The following KRT81 variants were observed in gnomAD, a reference collection of about 807,000 sequenced individuals.
KRT81 encodes keratin, type II cuticular Hb1.
A neutral mutation model predicts 35.8 loss-of-function variants in KRT81; 35 were observed. That is an observed-to-expected ratio of 0.98 (90% CI 0.75 to 1.30). The LOEUF (loss-of-function observed/expected upper bound fraction) is 1.30. Ranked by LOEUF, KRT81 falls within the 50% of genes most tolerant of loss-of-function variation. The pLI, the probability that KRT81 is intolerant of heterozygous loss-of-function variation, is 0.00. For missense variants in KRT81, 531 were observed against 577.4 expected (o/e 0.92, Z 0.82); for synonymous variants, 249 against 251.2 (o/e 0.99, Z 0.08).
At position 52,286,805 on chromosome 12, in the gene KRT81, C is replaced by T. The variant is rs1247091114; in HGVS notation, c.1265G>A (p.Gly422Glu). 1 of 1,613,938 alleles carries T rather than the reference C, an allele frequency of 6.2e-7. No homozygotes were observed. Reference sequence around the variant, plus strand: ...CAAATACTCACAGACATTCACAGCCCCAATGCCTTCACATAGCCTGAGGGC... The same window carrying T: ...CAAATACTCACAGACATTCACAGCCTCAATGCCTTCACATAGCCTGAGGGC... ...GEEQRLCEGI[G>E]AVNVCVSSSR... The change falls in exon 8 of 9, where the codon GGG becomes GAG. Residue 422 changes from glycine to glutamate, a missense_variant. This residue lies in a region of KRT81 where 150 missense variants were observed against 145.4 expected (regional missense o/e 1.03). Coordinates refer to ENST00000327741, the MANE Select transcript of KRT81 (RefSeq NM_002281.4).
chr12:52,286,509 G>T lies in KRT81; in HGVS notation c.1280-16C>A, dbSNP rs368288509. ...CTGCTGACACCTGTGAACCCCGAAG[G>T]CTGAGTCAAAATTCTGAAGGGCAAG... On this transcript the variant is annotated splice_polypyrimidine_tract_variant and intron_variant, in intron 8 of 8. Transcript: ENST00000327741. The T allele has an allele frequency of 7.1e-6, 11 of 1,551,034 alleles. No homozygotes were observed. The East Asian group carries it at 1.2e-4, about 17-fold the overall frequency.
Position 52,291,220 on chromosome 12 carries a change from C to T in KRT81, c.246G>A (p.Ser82=), listed in dbSNP as rs1405675721. The T allele has an allele frequency of 2.7e-6, 4 of 1,466,114 alleles. No homozygotes were observed. The Admixed American group carries it at 6.6e-5, about 24-fold the overall frequency. 90.8% of individuals were successfully genotyped at this position (1,466,114 alleles called of 1,614,324 possible). ...GGGGCGTGAGGAGGCTCTCGTTGACCGACACGGTGGTGATGCATGGGGGAC... is the reference window on the plus strand; with the variant it reads ...GGGGCGTGAGGAGGCTCTCGTTGACTGACACGGTGGTGATGCATGGGGGAC... ...GPSPPCITTV[S]VNESLLTPLN... is the part of the protein sequence containing the mutation. The change falls in exon 1 of 9, where the codon TCG becomes TCA. Residue 82 remains serine (S), a synonymous_variant. Transcript: ENST00000327741.
At chr12:52,286,973 C>T (rs961632486) in intron 7 of KRT81, 129 bp downstream of exon 7, 89 of 1,562,398 alleles carry the variant, frequency 5.7e-5, no homozygotes, top group Non-Finnish European at 7.5e-5. Flanking sequence ...CACCAGCCCT[C>T]CCCACACCGG....
Position 52,288,375 on chromosome 12 carries a change from G to C in KRT81, c.721C>G (p.Arg241Gly), listed in dbSNP as rs145562431. The change falls in exon 4 of 9, where the codon CGG becomes GGG. Residue 241 changes from arginine (R) to glycine (G), a missense_variant. Physicochemically the swap from Arg to Gly is moderately radical, Grantham distance 125. This residue lies in a region of KRT81 where 194 missense variants were observed against 198.2 expected (regional missense o/e 0.98). Transcript: ENST00000327741. ...TGAGCCCGCACCTCCTCATACAGCCGCCTCAGGAAGTCGATCTCCTGGATC... is the reference window on the plus strand; with the variant it reads ...TGAGCCCGCACCTCCTCATACAGCCCCCTCAGGAAGTCGATCTCCTGGATC... ...ALIQEIDFLR[R>G]LYEEEILILQ... is the part of the protein sequence containing the mutation. 8.7e-6 allele frequency: 14 copies of C among 1,613,982 alleles called. No homozygotes were observed. In the Admixed American group the frequency reaches 1.2e-4, roughly 13 times the overall value.
In KRT81 at chr12:52,291,447, A is replaced by G; in HGVS notation, c.19T>C (p.Phe7Leu). 1 of 1,612,888 alleles carries G rather than the reference A, an allele frequency of 6.2e-7. No individual in the cohort carries two copies. The highest frequency in any genetic ancestry group is 1.7e-5 in the Admixed American group (1 of 59,938). ...ATGCAGCTGAAGGCGCGCCCACCAAATCCTGATCCGCAGGTCATGATCCTC... is the reference window on the plus strand; with the variant it reads ...ATGCAGCTGAAGGCGCGCCCACCAAGTCCTGATCCGCAGGTCATGATCCTC... MTCGSG[F>L]GGRAFSCISA... Residue 7 changes from phenylalanine to leucine, a missense_variant, in exon 1 of 9, where the codon TTT becomes CTT. Coordinates refer to ENST00000327741, the MANE Select transcript of KRT81 (RefSeq NM_002281.4).
At position 52,286,321 on chromosome 12, in the gene KRT81, G is replaced by GCCGCAGGAACCCCCT; in HGVS notation, c.1437_1451dup (p.Gly480_Gly484dup). ...GGGAGCTGATACCACAGGAGCCCACGCCGCAGGAACCCCCTCCGCAGGTGG... is the reference window on the plus strand; with the variant it reads ...GGGAGCTGATACCACAGGAGCCCACGCCGCAGGAACCCCCTCCGCAGGAACCCCCTCCGCAGGTGG... On this transcript the variant is annotated inframe_insertion, in exon 9 of 9. Transcript: ENST00000327741. 2 of 1,554,554 alleles carry GCCGCAGGAACCCCCT rather than the reference G, an allele frequency of 1.3e-6. No homozygotes were observed. Among genetic ancestry groups the GCCGCAGGAACCCCCT allele is most frequent in the South Asian group, 1.2e-5 (1 of 84,250 alleles).
At chr12:52,286,576 G>T in intron 8 of KRT81, 83 bp from the exon 9 acceptor site, 2 of 1,393,252 alleles carry the variant, frequency 1.4e-6, no homozygotes, top group Non-Finnish European at 2.0e-6. Flanking sequence ...CAAGACCTGA[G>T]CTCTGGTATG....
intron 8 of KRT81, 107 bp from the exon 9 acceptor site, chr12:52,286,600 A>G: frequency 7.7e-7 from 1 of 1,303,838 alleles, no homozygotes; most frequent in Non-Finnish European, 1.1e-6. Flanking sequence ...AGTCAGAAGC[A>G]TCTTTGTGGA....
In KRT81 at chr12:52,287,137, G is replaced by A; in HGVS notation, c.1212C>T (p.Ala404=). 1 of 1,613,386 alleles carries A rather than the reference G, an allele frequency of 6.2e-7. No individual in the cohort carries two copies. The highest frequency in any genetic ancestry group is 8.5e-7 in the Non-Finnish European group (1 of 1,179,986). ...NSKLGLDIEI[A]TYRRLLEGEE... ...CGCCCTCCAGCAGGCGCCTGTAGGT[G>A]GCGATCTCGATGTCCAGGCCCAGCT... The change falls in exon 7 of 9, where the codon GCC becomes GCT. Residue 404 remains alanine, a synonymous_variant. Coordinates refer to ENST00000327741, the MANE Select transcript of KRT81 (RefSeq NM_002281.4).
At position 52,286,039 on chromosome 12, in the gene KRT81, T is replaced by C; in HGVS notation, c.*216A>G. The C allele has an allele frequency of 1.7e-6, 1 of 589,258 alleles. No individual in the cohort carries two copies. The highest frequency in any genetic ancestry group is 2.0e-5 in the South Asian group (1 of 50,096). The allele number at this position is 589,258 out of a possible 1,614,324, so 36.5% of individuals were successfully genotyped here. A position where few individuals can be genotyped will look rare whatever the true frequency, so the allele number is the denominator to read the frequency against. ...TGCTCCTGAGGCCCCTTCCTATGGG[T>C]GCCAGCGGACTTCTTTCTAGGGTGG... is the stretch of plus-strand genomic sequence containing the variant. On this transcript the variant is annotated 3_prime_UTR_variant, in exon 9 of 9. Transcript: ENST00000327741.
In KRT81 at chr12:52,286,254, C is replaced by T. The variant is rs1215064141; in HGVS notation, c.*1G>A. 6.4e-7 allele frequency: 1 copy of T among 1,553,406 alleles called. No individual in the cohort carries two copies. Among genetic ancestry groups the T allele is most frequent in the South Asian group, 1.2e-5 (1 of 84,226 alleles). Reference sequence around the variant, plus strand: ...GGGGCCTGGGACTTGAGTTGGGGTGCCTAACATTTCCGGCAGCTGCTGCCG... The same window carrying T: ...GGGGCCTGGGACTTGAGTTGGGGTGTCTAACATTTCCGGCAGCTGCTGCCG... On this transcript the variant is annotated 3_prime_UTR_variant, in exon 9 of 9. Transcript: ENST00000327741.
Position 52,287,885 on chromosome 12 carries a change from C to A in KRT81, c.900+99G>T, listed in dbSNP as rs1938005195. Reference sequence around the variant, plus strand: ...AGATTGGCAGCCCTCTCTTCTCATCCCTAGGGACCAGCATCCCCAGAAAAG... The same window carrying A: ...AGATTGGCAGCCCTCTCTTCTCATCACTAGGGACCAGCATCCCCAGAAAAG... On this transcript the variant is annotated intron_variant, in intron 5 of 8. Transcript: ENST00000327741. 17 of 1,607,326 alleles carry A rather than the reference C, an allele frequency of 1.1e-5. No individual in the cohort carries two copies. In the Admixed American group the frequency reaches 2.9e-4, roughly 27 times the overall value.
In KRT81 at chr12:52,286,473, C is replaced by T. The variant is rs772939014; in HGVS notation, c.1300G>A (p.Gly434Arg). 33 of 1,552,310 alleles carry T rather than the reference C, an allele frequency of 2.1e-5. No individual in the cohort carries two copies. Among genetic ancestry groups the T allele is most frequent in the Non-Finnish European group, 2.3e-5 (26 of 1,147,784 alleles). Reference protein sequence around the residue: ...VNVCVSSSRGGVVCGDLCVSG... With the variant: ...VNVCVSSSRGRVVCGDLCVSG... The stretch of plus-strand genomic sequence containing the variant: ...ACGCAGAGGTCCCCGCACACGACCC[C>T]GCCCCGGGAGCTGCTGACACCTGTG... The change falls in exon 9 of 9, where the codon GGG (glycine) becomes AGG (arginine). Residue 434 changes from glycine to arginine, a missense_variant. Gly to Arg is a moderately radical substitution (Grantham distance 125, BLOSUM62 -2). Transcript: ENST00000327741.
intron 5 of KRT81, 31 bp downstream of exon 5, chr12:52,287,953 G>C (rs763595422): frequency 5.0e-6 from 8 of 1,613,966 alleles, no homozygotes; most frequent in South Asian, 1.1e-5. Flanking sequence ...CCACTGACAC[G>C]TCTAGCAGGC....
chr12:52,286,680 G>T, intron 8 of KRT81, 111 bp downstream of exon 8: 1 of 1,294,410 alleles, frequency 7.7e-7, no homozygotes, highest in Non-Finnish European at 1.1e-6. Context: ...CTCCTGTTGT[G>T]ATGCCAGCCC....
Position 52,286,780 on chromosome 12 carries a change from C to T in KRT81, c.1279+11G>A. The T allele has an allele frequency of 6.2e-7, 1 of 1,613,824 alleles. No individual in the cohort carries two copies. Among genetic ancestry groups the T allele is most frequent in the Non-Finnish European group, 8.5e-7 (1 of 1,179,782 alleles). Reference sequence around the variant, plus strand: ...TAGTAAATCTGTCCACACTGGACCCCAAATACTCACAGACATTCACAGCCC... The same window carrying T: ...TAGTAAATCTGTCCACACTGGACCCTAAATACTCACAGACATTCACAGCCC... On this transcript the variant is annotated intron_variant, in intron 8 of 8. Coordinates refer to ENST00000327741, the MANE Select transcript of KRT81 (RefSeq NM_002281.4).
Position 52,286,138 on chromosome 12 carries a change from G to A in KRT81, c.*117C>T. 3.6e-6 allele frequency: 3 copies of A among 828,614 alleles called. No homozygotes were observed. In the Admixed American group the frequency reaches 6.1e-5, roughly 17 times the overall value. The allele number at this position is 828,614 out of a possible 1,614,324, so 51.3% of individuals were successfully genotyped here. A position where few individuals can be genotyped will look rare whatever the true frequency, so the allele number is the denominator to read the frequency against. ...AGAAATGTGAGGCCAGGAGTGGGAG[G>A]GGTCTTTCAAAGTGCAGGAGAAGTA... On this transcript the variant is annotated 3_prime_UTR_variant, in exon 9 of 9. Coordinates refer to ENST00000327741, the MANE Select transcript of KRT81 (RefSeq NM_002281.4).
chr12:52,285,998 T>C lies in KRT81; in HGVS notation c.*257A>G. 1.8e-6 allele frequency: 1 copy of C among 544,780 alleles called. No individual in the cohort carries two copies. The highest frequency in any genetic ancestry group is 2.1e-5 in the South Asian group (1 of 48,202). The allele number at this position is 544,780 out of a possible 1,614,324, so 33.7% of individuals were successfully genotyped here. On this transcript the variant is annotated 3_prime_UTR_variant, in exon 9 of 9. Transcript: ENST00000327741. Reference sequence around the variant, plus strand: ...AAGGCAGTTGCCGTGGGCAAGGTTCTGGTCCTGGCCCTTCCTGCTCCTGAG... The same window carrying C: ...AAGGCAGTTGCCGTGGGCAAGGTTCCGGTCCTGGCCCTTCCTGCTCCTGAG...
chr12:52,286,359 C>G lies in KRT81; in HGVS notation c.1414G>C (p.Gly472Arg). Residue 472 changes from glycine (G) to arginine (R), a missense_variant, in exon 9 of 9, where the codon GGC becomes CGC. By Grantham distance (125) the Gly-to-Arg change is moderately radical. Coordinates refer to ENST00000327741, the MANE Select transcript of KRT81 (RefSeq NM_002281.4). ...AVSTGLCAPC[G>R]QLNTTCGGGS... The stretch of plus-strand genomic sequence containing the variant: ...CCTCCGCAGGTGGTGTTCAATTGGC[C>G]GCAGGGCGCACACAGGCCGGTGCTC... The G allele has an allele frequency of 6.4e-7, 1 of 1,555,134 alleles. No individual in the cohort carries two copies. Among genetic ancestry groups the G allele is most frequent in the Non-Finnish European group, 8.7e-7 (1 of 1,148,970 alleles).
Sources: gnomAD v4.1 joint callset for allele counts on GRCh38, gnomAD v4.1.1 for gene constraint, gnomAD v4.1.1 regional missense constraint, MANE v1.5 for transcripts, NCBI Gene and HGNC (gene_info 2026-07-23, HGNC 2026-07-21) for gene names.